LCAT: variants seen among roughly 807,000 people sequenced by gnomAD.
LCAT encodes the protein phosphatidylcholine-sterol acyltransferase.
In LCAT, 15 loss-of-function variants were observed where a neutral mutation model predicts 41.0. The observed-to-expected ratio is 0.37, with a 90% CI of 0.24 to 0.56. LCAT has a LOEUF of 0.56. Among genes scored for constraint, LCAT ranks in the 20% least tolerant of loss-of-function variants. The pLI is 0.81. For missense variants in LCAT, 449 were observed against 595.1 expected, an observed-to-expected ratio of 0.75 and a Z score of 2.55; for synonymous variants, 248 against 245.4, an observed-to-expected ratio of 1.01 and a Z score of -0.10.
Position 67,943,341 on chromosome 16 carries a change from A to C in LCAT, c.155-129T>G. On this transcript the variant is annotated intron_variant, in intron 1 of 5. Transcript: ENST00000264005. This position sits in a 1 kb window ranked among gnomAD's most constrained non-coding sequence, Gnocchi z 4.6. Reference sequence around the variant, plus strand: ...CCCTCAACCCCCAGGTACAAAGCACACTTACCCTCCCCTGCTTACACCCCC... The same window carrying C: ...CCCTCAACCCCCAGGTACAAAGCACCCTTACCCTCCCCTGCTTACACCCCC... 3 of 791,034 alleles carry C rather than the reference A, an allele frequency of 3.8e-6. No homozygotes were observed. The highest frequency in any genetic ancestry group is 6.2e-6 in the Non-Finnish European group (3 of 484,178). 49.0% of individuals were successfully genotyped at this position (791,034 alleles called of 1,614,324 possible).
In LCAT at chr16:67,942,528, A is replaced by T; in HGVS notation, c.583T>A (p.Tyr195Asn). The T allele has an allele frequency of 6.2e-7, 1 of 1,613,638 alleles. No individual in the cohort carries two copies. The highest frequency in any genetic ancestry group is 8.5e-7 in the Non-Finnish European group (1 of 1,179,994). The change falls in exon 5 of 6, where the codon TAT (tyrosine) becomes AAT (asparagine). Residue 195 changes from tyrosine to asparagine, a missense_variant. Tyr to Asn is a moderately radical substitution (Grantham distance 143). Coordinates refer to ENST00000264005, the MANE Select transcript of LCAT (RefSeq NM_000229.2). The surrounding 1 kb of genome is among the most constrained non-coding windows in gnomAD (Gnocchi z 6.6). ...AGLVEEMHAAYGKPVFLIGHS... is the reference protein window; with the variant it reads ...AGLVEEMHAANGKPVFLIGHS... ...CCAATGAGGAAGACAGGCTTCCCATAGGCAGCGTGCATCTCCTCCACCAGC... is the reference window on the plus strand; with the variant it reads ...CCAATGAGGAAGACAGGCTTCCCATTGGCAGCGTGCATCTCCTCCACCAGC...
At chr16:67,941,395 G>A (rs1215371364) in intron 5 of LCAT, 5 of 153,188 alleles carry the variant, frequency 3.3e-5, no homozygotes, top group African/African-American at 1.2e-4. Context: ...GCTGAGGCAG[G>A]AAGATCACTT....
At chr16:67,941,920 A>G in intron 5 of LCAT, 6 of 1,155,076 alleles carry the variant, frequency 5.2e-6, no homozygotes, top group Non-Finnish European at 6.5e-6. Context: ...AGTAGGTGGT[A>G]GCTGTGTCAG....
chr16:67,943,379 C>A lies in LCAT; in HGVS notation c.155-167G>T. 2 of 680,364 alleles carry A rather than the reference C, an allele frequency of 2.9e-6. No homozygotes were observed. Among genetic ancestry groups the A allele is most frequent in the Non-Finnish European group, 5.2e-6 (2 of 385,804 alleles). The allele number at this position is 680,364 out of a possible 1,614,324, so 42.1% of individuals were successfully genotyped here. A position where few individuals can be genotyped will look rare whatever the true frequency, so the allele number is the denominator to read the frequency against. ...TGCTTACACCCCCTCTCCCTGCTGTCCCCCCAGTAGCCAAAGCCCAGGCTT... is the reference window on the plus strand; with the variant it reads ...TGCTTACACCCCCTCTCCCTGCTGTACCCCCAGTAGCCAAAGCCCAGGCTT... On this transcript the variant is annotated intron_variant, in intron 1 of 5. Coordinates refer to ENST00000264005, the MANE Select transcript of LCAT (RefSeq NM_000229.2). The surrounding 1 kb of genome is among the most constrained non-coding windows in gnomAD (Gnocchi z 4.6).
rs1414320592 is a variant in LCAT at position 67,942,598 on chromosome 16, T to TG, written c.524-12dup. 6.2e-7 allele frequency: 1 copy of TG among 1,612,742 alleles called. No homozygotes were observed. The highest frequency in any genetic ancestry group is 8.5e-7 in the Non-Finnish European group (1 of 1,179,780). ...ACTCCTCCTGCTGGCCTGCAGCGGG[T>TG]GGAAGGGGTCAGGGCAGCTGGGGTC... On this transcript the variant is annotated splice_polypyrimidine_tract_variant and intron_variant, in intron 4 of 5. Coordinates refer to ENST00000264005, the MANE Select transcript of LCAT (RefSeq NM_000229.2). This position sits in a 1 kb window ranked among gnomAD's most constrained non-coding sequence, Gnocchi z 6.6.
Position 67,939,972 on chromosome 16 carries a change from G to C in LCAT, c.1255C>G (p.Leu419Val), listed in dbSNP as rs1792343051. Residue 419 changes from leucine to valine, a missense_variant, in exon 6 of 6, where the codon CTG (leucine) becomes GTG (valine). Coordinates refer to ENST00000264005, the MANE Select transcript of LCAT (RefSeq NM_000229.2). ...LTLEHINAIL[L>V]GAYRQGPPAS... Reference sequence around the variant, plus strand: ...GGGGGACCCTGGCGGTAGGCACCCAGCAGGATGGCATTGATGTGCTCCAGG... The same window carrying C: ...GGGGGACCCTGGCGGTAGGCACCCACCAGGATGGCATTGATGTGCTCCAGG... The C allele has an allele frequency of 6.2e-7, 1 of 1,613,714 alleles. No homozygotes were observed.
In LCAT at chr16:67,943,140, C is replaced by A. The variant is rs756625482; in HGVS notation, c.227G>T (p.Arg76Leu). ...GATGGTGAAGAAGTCCTCTGTCTTG[C>A]GGTAGCACATCCAGTTCACCACATC... ...KPDVVNWMCY[R>L]KTEDFFTIWL... is the part of the protein sequence containing the mutation. The change falls in exon 2 of 6, where the codon CGC becomes CTC. Residue 76 changes from arginine (R) to leucine (L), a missense_variant. By Grantham distance (102) the Arg-to-Leu change is moderately radical. Transcript: ENST00000264005. This position sits in a 1 kb window ranked among gnomAD's most constrained non-coding sequence, Gnocchi z 4.6. 3.1e-6 allele frequency: 5 copies of A among 1,613,952 alleles called. No homozygotes were observed. Among genetic ancestry groups the A allele is most frequent in the Non-Finnish European group, 2.5e-6 (3 of 1,179,950 alleles).
Position 67,939,997 on chromosome 16 carries a change from G to T in LCAT, c.1230C>A (p.Thr410=). Residue 410 remains threonine, a synonymous_variant, in exon 6 of 6, where the codon ACC becomes ACA. Transcript: ENST00000264005. ...QHLNMVFSNL[T]LEHINAILLG... ...GCAGGATGGCATTGATGTGCTCCAGGGTCAGGTTGCTGAAGACCATGTTGA... is the reference window on the plus strand; with the variant it reads ...GCAGGATGGCATTGATGTGCTCCAGTGTCAGGTTGCTGAAGACCATGTTGA... 6.2e-7 allele frequency: 1 copy of T among 1,613,706 alleles called. No homozygotes were observed. The highest frequency in any genetic ancestry group is 8.5e-7 in the Non-Finnish European group (1 of 1,180,036).
At position 67,943,266 on chromosome 16, in the gene LCAT, C is replaced by CCCGTCACCCCTACCA. The variant is rs1471087176; in HGVS notation, c.155-55_155-54insTGGTAGGGGTGACGG. 1.3e-6 allele frequency: 2 copies of CCCGTCACCCCTACCA among 1,596,428 alleles called. No individual in the cohort carries two copies. Among genetic ancestry groups the CCCGTCACCCCTACCA allele is most frequent in the African/African-American group, 2.7e-5 (2 of 74,180 alleles). On this transcript the variant is annotated intron_variant, in intron 1 of 5. Transcript: ENST00000264005. The surrounding 1 kb of genome is among the most constrained non-coding windows in gnomAD (Gnocchi z 4.6). The stretch of plus-strand genomic sequence containing the variant: ...CTGGATTCCCCCCGTGACCCTTACC[C>CCCGTCACCCCTACCA]CCGTCACCCCAGATGCTGCAGTGAC...
Position 67,943,632 on chromosome 16 carries a change from G to T in LCAT, c.154+316C>A. The stretch of plus-strand genomic sequence containing the variant: ...TCCTTGGTGGGTGGGGGCCAAGGAA[G>T]GAGTGGTGGGGCTTGGCCCAGAGTC... On this transcript the variant is annotated intron_variant, in intron 1 of 5. Transcript: ENST00000264005. This position sits in a 1 kb window ranked among gnomAD's most constrained non-coding sequence, Gnocchi z 4.6. 1.9e-6 allele frequency: 1 copy of T among 518,510 alleles called. No individual in the cohort carries two copies. The highest frequency in any genetic ancestry group is 3.3e-5 in the Admixed American group (1 of 30,492). 32.1% of individuals were successfully genotyped at this position (518,510 alleles called of 1,614,324 possible). A position where few individuals can be genotyped will look rare whatever the true frequency, so the allele number is the denominator to read the frequency against.
intron 5 of LCAT, chr16:67,941,480 G>T: frequency 4.6e-6 from 1 of 219,654 alleles, no homozygotes; most frequent in Non-Finnish European, 7.7e-6. Context: ...AATAAATTAG[G>T]TGTGGTGTTG....
Position 67,942,070 on chromosome 16 carries a change from G to C in LCAT, c.748+293C>G, listed in dbSNP as rs569282330. 306 of 1,315,528 alleles carry C rather than the reference G, an allele frequency of 2.3e-4. 2 individuals are homozygous for C. The South Asian group carries it at 2.4e-3, about 10-fold the overall frequency. 81.5% of individuals were successfully genotyped at this position (1,315,528 alleles called of 1,614,324 possible). ...GCGAGCAAGTGGAAGGCAGGCAAGG[G>C]CTGGGCAGGCAGGCTCTGGGGCTAC... On this transcript the variant is annotated intron_variant, in intron 5 of 5. Coordinates refer to ENST00000264005, the MANE Select transcript of LCAT (RefSeq NM_000229.2). This position sits in a 1 kb window ranked among gnomAD's most constrained non-coding sequence, Gnocchi z 6.6.
chr16:67,943,344 T>G lies in LCAT; in HGVS notation c.155-132A>C. Reference sequence around the variant, plus strand: ...TCAACCCCCAGGTACAAAGCACACTTACCCTCCCCTGCTTACACCCCCTCT... The same window carrying G: ...TCAACCCCCAGGTACAAAGCACACTGACCCTCCCCTGCTTACACCCCCTCT... On this transcript the variant is annotated intron_variant, in intron 1 of 5. Transcript: ENST00000264005. This position sits in a 1 kb window ranked among gnomAD's most constrained non-coding sequence, Gnocchi z 4.6. 22 of 732,846 alleles carry G rather than the reference T, an allele frequency of 3.0e-5. No individual in the cohort carries two copies. Among genetic ancestry groups the G allele is most frequent in the Non-Finnish European group, 4.6e-5 (20 of 434,660 alleles). 45.4% of individuals were successfully genotyped at this position (732,846 alleles called of 1,614,324 possible). A position where few individuals can be genotyped will look rare whatever the true frequency, so the allele number is the denominator to read the frequency against.
At chr16:67,941,657 GTGTGTGGGGATGGTGGGTGAGGCCCAGGA>G (rs1567408411) in intron 5 of LCAT, 6 of 985,166 alleles carry the variant, frequency 6.1e-6, no homozygotes, top group East Asian at 1.1e-4. Flanking sequence ...GAGGACCAGG[GTGTGTGGGGATGGTGGGTGAGGCCCAGGA>G]TGTGTGGGGA....
At position 67,943,457 on chromosome 16, in the gene LCAT, C is replaced by A; in HGVS notation, c.155-245G>T. 1 of 568,714 alleles carries A rather than the reference C, an allele frequency of 1.8e-6. No individual in the cohort carries two copies. The allele number at this position is 568,714 out of a possible 1,614,324, so 35.2% of individuals were successfully genotyped here. ...CTGAGGCCAAGGCCGCTGACCCCTG[C>A]CTCTGCAGAGCAAACACCCAGTCTG... On this transcript the variant is annotated intron_variant, in intron 1 of 5. Coordinates refer to ENST00000264005, the MANE Select transcript of LCAT (RefSeq NM_000229.2). This position sits in a 1 kb window ranked among gnomAD's most constrained non-coding sequence, Gnocchi z 4.6.
rs1282287185 is a variant in LCAT at position 67,943,056 on chromosome 16, C to T, written c.311G>A (p.Arg104Lys). ...GCTAGGGTGGAGCACATGGCTGTAC[C>T]TGGTGTTATCGATCCAGCAGTCTAC... is the stretch of plus-strand genomic sequence containing the variant. ...LGVDCWIDNT[R>K]VVYNRSSGLV... Residue 104 changes from arginine to lysine, a missense_variant and splice_region_variant, in exon 2 of 6, where the codon AGG (arginine) becomes AAG (lysine). By Grantham distance (26) the Arg-to-Lys change is conservative. Transcript: ENST00000264005. This position sits in a 1 kb window ranked among gnomAD's most constrained non-coding sequence, Gnocchi z 4.6. The T allele has an allele frequency of 1.9e-6, 3 of 1,613,884 alleles. No individual in the cohort carries two copies. The highest frequency in any genetic ancestry group is 2.5e-6 in the Non-Finnish European group (3 of 1,179,952).
chr16:67,940,192 CGTGGGCAG>C lies in LCAT; in HGVS notation c.1027_1034del (p.Leu343AlafsTer21). 6.2e-7 allele frequency: 1 copy of C among 1,611,238 alleles called. No individual in the cohort carries two copies. Among genetic ancestry groups the C allele is most frequent in the Non-Finnish European group, 8.5e-7 (1 of 1,179,782 alleles). On this transcript the variant is annotated frameshift_variant, in exon 6 of 6. Coordinates refer to ENST00000264005, the MANE Select transcript of LCAT (RefSeq NM_000229.2). LOFTEE classifies it high-confidence loss of function. ...CGTGGTCGTAGATGTAGGTGCGGGG[CGTGGGCAG>C]GCCCACGCCGTAAAGACAGTATACT... is the stretch of plus-strand genomic sequence containing the variant.
In LCAT at chr16:67,940,042, G is replaced by A. The variant is rs745833816; in HGVS notation, c.1185C>T (p.Pro395=). Residue 395 remains proline, a synonymous_variant, in exon 6 of 6, where the codon CCC becomes CCT. Coordinates refer to ENST00000264005, the MANE Select transcript of LCAT (RefSeq NM_000229.2). ...TGTTGAGATGCTGTATCCCGTGCAG[G>A]GGCAGCAGGTGCACAGGCTGTGGCT... The part of the protein sequence containing the change: ...GRQPQPVHLL[P]LHGIQHLNMV... 4.3e-6 allele frequency: 7 copies of A among 1,613,406 alleles called. No homozygotes were observed. In the African/African-American group the frequency reaches 8.0e-5, roughly 18 times the overall value.
At position 67,939,833 on chromosome 16, in the gene LCAT, G is replaced by A; in HGVS notation, c.*71C>T. 1.3e-6 allele frequency: 2 copies of A among 1,567,610 alleles called. No individual in the cohort carries two copies. Among genetic ancestry groups the A allele is most frequent in the Non-Finnish European group, 1.7e-6 (2 of 1,154,324 alleles). ...TGTGGCTGGTGAGGAGTGAAACCTAGTGTGGGACTCTAGTGCCTCCCTTCA... is the reference window on the plus strand; with the variant it reads ...TGTGGCTGGTGAGGAGTGAAACCTAATGTGGGACTCTAGTGCCTCCCTTCA... On this transcript the variant is annotated 3_prime_UTR_variant, in exon 6 of 6. Coordinates refer to ENST00000264005, the MANE Select transcript of LCAT (RefSeq NM_000229.2).
Sources: allele counts gnomAD v4.1 joint callset, GRCh38; gene constraint gnomAD v4.1.1; non-coding constraint Gnocchi (gnomAD v3.1); transcripts MANE v1.5; gene names NCBI Gene and HGNC (gene_info 2026-07-23, HGNC 2026-07-21).